POLI: variants seen among roughly 807,000 people sequenced by gnomAD.
POLI encodes DNA polymerase iota.
A neutral mutation model predicts 51.6 loss-of-function variants in POLI; 58 were observed. The observed-to-expected ratio is 1.12, with a 90% CI of 0.91 to 1.40. The LOEUF is 1.40. Ranked by LOEUF, POLI falls within the 40% of genes most tolerant of loss-of-function variation. The pLI, the probability that POLI is intolerant of heterozygous loss-of-function variation, is 0.00. For missense variants in POLI, 921 were observed against 871.3 expected, an observed-to-expected ratio of 1.06 and a Z score of -0.72; for synonymous variants, 322 against 299.7, an observed-to-expected ratio of 1.07 and a Z score of -0.77.
In POLI at chr18:54,294,648, G is replaced by A; in HGVS notation, c.*181G>A. 1 of 1,262,702 alleles carries A rather than the reference G, an allele frequency of 7.9e-7. No homozygotes were observed. The highest frequency in any genetic ancestry group is 1.0e-6 in the Non-Finnish European group (1 of 1,004,690). 78.2% of individuals were successfully genotyped at this position (1,262,702 alleles called of 1,614,324 possible). On this transcript the variant is annotated 3_prime_UTR_variant, in exon 10 of 10. Transcript: ENST00000579534. ...CACAAAGCGTAAAAATATAACAGAA[G>A]AAATAATGTAAAATACTATCTTTTA...
At position 54,294,159 on chromosome 18, in the gene POLI, A is replaced by G; in HGVS notation, c.1915A>G (p.Lys639Glu). 1 of 1,611,938 alleles carries G rather than the reference A, an allele frequency of 6.2e-7. No homozygotes were observed. Among genetic ancestry groups the G allele is most frequent in the Non-Finnish European group, 8.5e-7 (1 of 1,178,208 alleles). ...AGATGAACGAATAAGTCAAGGACCTAAAGAACCTCAAGGATTCCACTTTAC... is the reference window on the plus strand; with the variant it reads ...AGATGAACGAATAAGTCAAGGACCTGAAGAACCTCAAGGATTCCACTTTAC... ...LKDERISQGP[K>E]EPQGFHFTNS... Residue 639 changes from lysine to glutamate, a missense_variant, in exon 10 of 10, where the codon AAA becomes GAA. Transcript: ENST00000579534.
intron 4 of POLI, 82 bp from the exon 5 acceptor site, chr18:54,280,585 G>GC (rs1468829087): frequency 4.8e-6 from 4 of 834,522 alleles, no homozygotes; most frequent in Non-Finnish European, 6.0e-6. Context: ...TATAGACTAA[G>GC]CCCTCTACCT....
downstream of POLI, among the ~76,000 whole-genome samples, chr18:54,300,219 A>G (rs906781340): frequency 6.6e-6 from 1 of 152,094 alleles, no homozygotes; most frequent in Non-Finnish European, 1.5e-5. Context: ...AAAGTTGGCT[A>G]TATAAAACAA....
downstream of POLI, among the ~76,000 whole-genome samples, chr18:54,300,693 G>A (rs1311476354): frequency 6.6e-6 from 1 of 151,954 alleles, no homozygotes; most frequent in African/African-American, 2.4e-5. Context: ...GAAAAAGTAG[G>A]ACCCAACTGT....
At chr18:54,275,717 T>C (rs181625079) in intron 3 of POLI, among the ~76,000 whole-genome samples, 1 of 152,370 alleles carries the variant, frequency 6.6e-6, no homozygotes, top group African/African-American at 2.4e-5. Flanking sequence ...TGGTCATTTA[T>C]GTATTTTTTT....
intron 3 of POLI, among the ~76,000 whole-genome samples, chr18:54,319,391 G>A (rs555348485): frequency 3.9e-4 from 59 of 152,210 alleles, no homozygotes; most frequent in Middle Eastern, 3.4e-3. Flanking sequence ...CATTGAAAAG[G>A]GACATGGGGC....
intron 3 of POLI, among the ~76,000 whole-genome samples, chr18:54,306,048 G>A (rs1430184651): frequency 3.9e-5 from 6 of 152,056 alleles, no homozygotes; most frequent in South Asian, 4.2e-4. Context: ...GTGAGCCACC[G>A]CACCCAGCCC....
chr18:54,296,922 GT>G lies in POLI; in HGVS notation c.*2457del, dbSNP rs1423671109. 4 of 967,194 alleles carry G rather than the reference GT, an allele frequency of 4.1e-6. No homozygotes were observed. Among genetic ancestry groups the G allele is most frequent in the African/African-American group, 1.8e-5 (1 of 56,790 alleles). 59.9% of individuals were successfully genotyped at this position (967,194 alleles called of 1,614,324 possible). A position where few individuals can be genotyped will look rare whatever the true frequency, so the allele number is the denominator to read the frequency against. The stretch of plus-strand genomic sequence containing the variant: ...AAGTCTTTATAAGTCTACATTTAAG[GT>G]TATTATTGCATATCATTGTGACTTA... On this transcript the variant is annotated 3_prime_UTR_variant, in exon 10 of 10. Coordinates refer to ENST00000579534, the MANE Select transcript of POLI (RefSeq NM_007195.3).
chr18:54,317,833 C>T (rs920420308), intron 3 of POLI, among the ~76,000 whole-genome samples: 9 of 152,182 alleles, frequency 5.9e-5, no homozygotes, highest in Non-Finnish European at 1.0e-4. Context: ...CCACTGCACT[C>T]AAGCCTGGGC....
In POLI at chr18:54,269,681, G is replaced by A; in HGVS notation, c.115+20G>A. On this transcript the variant is annotated intron_variant, in intron 1 of 9. Transcript: ENST00000579534. ...CGCAGGGTGCGCCGCAGCCAGAGGA[G>A]CCAGCGGCCTCCTTGGGTGTAAATG... The A allele has an allele frequency of 2.0e-6, 3 of 1,495,406 alleles. No individual in the cohort carries two copies. Among genetic ancestry groups the A allele is most frequent in the East Asian group, 2.8e-5 (1 of 35,402 alleles). 92.6% of individuals were successfully genotyped at this position (1,495,406 alleles called of 1,614,324 possible).
At chr18:54,288,340 GT>G (rs1273806456) in intron 8 of POLI, among the ~76,000 whole-genome samples, 1 of 152,002 alleles carries the variant, frequency 6.6e-6, no homozygotes, top group African/African-American at 2.4e-5. Context: ...TCTGTTAGAA[GT>G]TTTATAGTTT....
At chr18:54,302,314 T>C (rs1469468914), downstream of POLI, among the ~76,000 whole-genome samples, 1 of 152,206 alleles carries the variant, frequency 6.6e-6, no homozygotes, top group African/African-American at 2.4e-5. Flanking sequence ...TTAGTATACT[T>C]CCTAGATTCT....
In POLI at chr18:54,294,469, C is replaced by A. The variant is rs1426508715; in HGVS notation, c.*2C>A. ...GATTTCCACATTGGACATAAATAAG[C>A]ATATTCAGCAAAAAGGTCTGAAAAG... On this transcript the variant is annotated 3_prime_UTR_variant, in exon 10 of 10. Transcript: ENST00000579534. The A allele has an allele frequency of 3.2e-6, 5 of 1,572,838 alleles. No individual in the cohort carries two copies. Among genetic ancestry groups the A allele is most frequent in the Admixed American group, 3.9e-5 (2 of 51,124 alleles).
At chr18:54,287,813 C>G (rs2087818217) in intron 8 of POLI, 1 of 154,968 alleles carries the variant, frequency 6.5e-6, no homozygotes, top group Non-Finnish European at 1.4e-5. Context: ...CTGCCTCAGC[C>G]TCCGAAAGTG....
At chr18:54,275,380 A>G (rs686045) in intron 3 of POLI, among the ~76,000 whole-genome samples, 10,534 of 152,302 alleles carry the variant, frequency 0.069, 432 homozygotes, top group African/African-American at 0.088. Flanking sequence ...AACAATGTTT[A>G]TCATAGCATG....
intron 7 of POLI, among the ~76,000 whole-genome samples, 174 bp from the exon 8 acceptor site, chr18:54,287,107 T>G (rs3730768): frequency 6.6e-6 from 1 of 152,228 alleles, no homozygotes; most frequent in African/African-American, 2.4e-5. Flanking sequence ...GCATAGACTT[T>G]GTGATGATTA....
intron 4 of POLI, among the ~76,000 whole-genome samples, chr18:54,278,534 C>A (rs2087354362): frequency 1.3e-5 from 2 of 152,138 alleles, no homozygotes; most frequent in African/African-American, 4.8e-5. Flanking sequence ...TCTGAATTCC[C>A]AAGTTAGCAC....
At chr18:54,272,084 C>A (rs556781366) in intron 2 of POLI, 5 of 152,212 alleles carry the variant, frequency 3.3e-5, no homozygotes, top group African/African-American at 1.2e-4. Context: ...GATTTTCTTT[C>A]ATGCATGCAG....
In POLI at chr18:54,280,841, T is replaced by A. The variant is rs774067689; in HGVS notation, c.734T>A (p.Val245Asp). ...GTCTTTAAACCAAATCAACAAACAGTCTTATTACCTGAAAGTTGTCAACAT... is the reference window on the plus strand; with the variant it reads ...GTCTTTAAACCAAATCAACAAACAGACTTATTACCTGAAAGTTGTCAACAT... ...SGVFKPNQQTVLLPESCQHLI... is the reference protein window; with the variant it reads ...SGVFKPNQQTDLLPESCQHLI... Residue 245 changes from valine to aspartate, a missense_variant, in exon 5 of 10, where the codon GTC (valine) becomes GAC (aspartate). Physicochemically the swap from Val to Asp is radical, Grantham distance 152. Transcript: ENST00000579534. 2 of 1,613,614 alleles carry A rather than the reference T, an allele frequency of 1.2e-6. No individual in the cohort carries two copies. The highest frequency in any genetic ancestry group is 2.2e-5 in the South Asian group (2 of 91,082).
Sources: gnomAD v4.1 joint callset for allele counts (sites outside exome capture counted in the v4.1 genomes callset) on GRCh38, gnomAD v4.1.1 for gene constraint, MANE v1.5 for transcripts, NCBI Gene and HGNC (gene_info 2026-07-23, HGNC 2026-07-21) for gene names.